Variants in UBE4A observed in about 807,000 individuals in gnomAD.
UBE4A encodes the protein ubiquitination factor E4A.
Under a neutral mutation model 117.9 loss-of-function variants are expected in UBE4A, and 48 were observed. That is an observed-to-expected ratio of 0.41 (90% CI 0.32 to 0.52). The LOEUF is 0.52. Ranked by LOEUF, UBE4A falls within the 20% of genes least tolerant of loss-of-function variation. The pLI is 0.33. For synonymous variants in UBE4A, 407 were observed against 450.0 expected, an observed-to-expected ratio of 0.90 and a Z score of 1.21; for missense variants, 1,067 against 1,296.3, an observed-to-expected ratio of 0.82 and a Z score of 2.72.
chr11:118,372,503 G>A lies in UBE4A; in HGVS notation c.562-4G>A, dbSNP rs1378825382. ...ATTCCCTCTTTTCTTCATGCTGTTTGCAGATTACCAAAGTTCCAGAGAACC... is the reference window on the plus strand; with the variant it reads ...ATTCCCTCTTTTCTTCATGCTGTTTACAGATTACCAAAGTTCCAGAGAACC... On this transcript the variant is annotated splice_region_variant and splice_polypyrimidine_tract_variant and intron_variant, in intron 5 of 19. Transcript: ENST00000252108. 2 of 1,600,354 alleles carry A rather than the reference G, an allele frequency of 1.2e-6. No homozygotes were observed. The highest frequency in any genetic ancestry group is 1.1e-5 in the South Asian group (1 of 89,108).
At chr11:118,362,501 C>A (rs1267642438) in intron 1 of UBE4A, among the ~76,000 whole-genome samples, 1 of 152,162 alleles carries the variant, frequency 6.6e-6, no homozygotes, top group Non-Finnish European at 1.5e-5. Flanking sequence ...TTACGTGTTG[C>A]AGGTGATGCA....
chr11:118,393,385 C>G (rs1948837686), intron 19 of UBE4A, among the ~76,000 whole-genome samples: 1 of 152,150 alleles, frequency 6.6e-6, no homozygotes, highest in Non-Finnish European at 1.5e-5. Context: ...CCACTGCACT[C>G]CAGCCTGGGC....
intron 13 of UBE4A, among the ~76,000 whole-genome samples, chr11:118,384,352 A>G (rs781990418): frequency 4.6e-5 from 7 of 152,204 alleles, no homozygotes; most frequent in Non-Finnish European, 7.3e-5. Context: ...TCATGTTTGG[A>G]TATGGAAACA....
At chr11:118,374,022 G>A (rs994257002) in intron 8 of UBE4A, among the ~76,000 whole-genome samples, 1 of 152,094 alleles carries the variant, frequency 6.6e-6, no homozygotes, top group Non-Finnish European at 1.5e-5. Context: ...GCTGAGGTGG[G>A]AGGATCACTT....
rs782584381 is a variant in UBE4A at position 118,375,126 on chromosome 11, T to C, written c.1347T>C (p.Phe449=). 1.2e-6 allele frequency: 2 copies of C among 1,614,210 alleles called. No homozygotes were observed. Among genetic ancestry groups the C allele is most frequent in the South Asian group, 2.2e-5 (2 of 91,088 alleles). The change falls in exon 9 of 20, where the codon TTT becomes TTC. Residue 449 remains phenylalanine (F), a synonymous_variant. Transcript: ENST00000252108. The part of the protein sequence containing the change: ...GAALLKLCQP[F]CKPRSSRLLT... Reference sequence around the variant, plus strand: ...CTCTCCTGAAGCTATGCCAGCCATTTTGCAAACCCAGATCCTCTCGGCTCC... The same window carrying C: ...CTCTCCTGAAGCTATGCCAGCCATTCTGCAAACCCAGATCCTCTCGGCTCC...
At chr11:118,378,263 TA>T (rs200980984) in intron 10 of UBE4A, among the ~76,000 whole-genome samples, 2 of 141,732 alleles carry the variant, frequency 1.4e-5, no homozygotes. Context: ...AAAAATTAAT[TA>T]AAAAAAAGAA....
At position 118,376,698 on chromosome 11, in the gene UBE4A, A is replaced by T; in HGVS notation, c.1571+4A>T. 1 of 1,612,904 alleles carries T rather than the reference A, an allele frequency of 6.2e-7. No homozygotes were observed. Among genetic ancestry groups the T allele is most frequent in the Non-Finnish European group, 8.5e-7 (1 of 1,179,568 alleles). On this transcript the variant is annotated splice_donor_region_variant and intron_variant, in intron 10 of 19. Coordinates refer to ENST00000252108, the MANE Select transcript of UBE4A (RefSeq NM_001204077.2). Reference sequence around the variant, plus strand: ...CCTTGTACTTGGGATTTCACAGGTAACTCCTCTGATGTCATTAGGAAAAAA... The same window carrying T: ...CCTTGTACTTGGGATTTCACAGGTATCTCCTCTGATGTCATTAGGAAAAAA...
In UBE4A at chr11:118,384,947, TAAAAAAAAAAAA is replaced by T; in HGVS notation, c.2412+12_2412+23del. On this transcript the variant is annotated splice_donor_5th_base_variant and intron_variant, in intron 15 of 19. Transcript: ENST00000252108. ...TTCCTTTTGGATGAAGCCATACAGGTAAAAAAAAAAAAAAAAAAAAAGATTTAACTTCTCCAT... is the reference window on the plus strand; with the variant it reads ...TTCCTTTTGGATGAAGCCATACAGGTAAAAAAAAAGATTTAACTTCTCCAT... 9.4e-7 allele frequency: 1 copy of T among 1,066,280 alleles called. No individual in the cohort carries two copies. Among genetic ancestry groups the T allele is most frequent in the African/African-American group, 2.3e-5 (1 of 43,982 alleles). The allele number at this position is 1,066,280 out of a possible 1,614,324, so 66.1% of individuals were successfully genotyped here.
At chr11:118,390,557 G>T in intron 17 of UBE4A, 100 bp from the exon 18 acceptor site, 1 of 857,942 alleles carries the variant, frequency 1.2e-6, no homozygotes, top group African/African-American at 1.8e-5. Context: ...AATGTTCATG[G>T]CTTTTAAGTG....
At position 118,390,699 on chromosome 11, in the gene UBE4A, T is replaced by C; in HGVS notation, c.2811T>C (p.Arg937=). 1 of 1,572,642 alleles carries C rather than the reference T, an allele frequency of 6.4e-7. No homozygotes were observed. The highest frequency in any genetic ancestry group is 8.6e-7 in the Non-Finnish European group (1 of 1,161,780). The part of the protein sequence containing the change: ...NFCATVPKDG[R]SYSPTLFAQT... ...GTGCCACTGTGCCCAAGGATGGACG[T>C]TCCTATTCCCCAACTCTCTTTGCAC... Residue 937 remains arginine (R), a synonymous_variant, in exon 18 of 20, where the codon CGT becomes CGC. Transcript: ENST00000252108.
At chr11:118,384,775 C>A (rs868950488) in intron 14 of UBE4A, 40 bp downstream of exon 14, 2 of 1,610,308 alleles carry the variant, frequency 1.2e-6, no homozygotes, top group Middle Eastern at 1.7e-4. Context: ...TTTATATAAG[C>A]CCTAATGAGT....
intron 2 of UBE4A, among the ~76,000 whole-genome samples, chr11:118,368,008 T>C (rs1254127480): frequency 6.6e-6 from 1 of 152,168 alleles, no homozygotes; most frequent in Admixed American, 6.5e-5. Flanking sequence ...GCAAAAGATG[T>C]GATACAATAC....
intron 4 of UBE4A, among the ~76,000 whole-genome samples, chr11:118,370,041 G>A (rs1432290720): frequency 3.3e-5 from 5 of 151,350 alleles, no homozygotes; most frequent in East Asian, 1.9e-4. Flanking sequence ...GCAATGAGCC[G>A]AGATCATACC....
intron 2 of UBE4A, among the ~76,000 whole-genome samples, chr11:118,367,478 C>T (rs1030117162): frequency 6.6e-6 from 1 of 150,970 alleles, no homozygotes; most frequent in Non-Finnish European, 1.5e-5. Context: ...GCATGTAAAT[C>T]AGACAGTCTC....
chr11:118,382,424 C>G (rs545030749), intron 12 of UBE4A, among the ~76,000 whole-genome samples, 165 bp from the exon 13 acceptor site: 20 of 118,416 alleles, frequency 1.7e-4, no homozygotes, highest in African/African-American at 5.4e-4. Context: ...CCCCACCCCC[C>G]GCCCAGCCGC....
chr11:118,371,764 T>A (rs1321693896), intron 5 of UBE4A, 98 bp downstream of exon 5: 1 of 1,269,712 alleles, frequency 7.9e-7, no homozygotes, highest in Non-Finnish European at 1.1e-6. Flanking sequence ...AATTTATATA[T>A]GTCATAGTAT....
chr11:118,387,960 T>A (rs1948774750), intron 16 of UBE4A, among the ~76,000 whole-genome samples: 1 of 152,112 alleles, frequency 6.6e-6, no homozygotes, highest in Admixed American at 6.6e-5. Flanking sequence ...AAAGAATGTT[T>A]CCAAAAATTA....
At chr11:118,393,010 T>A in intron 19 of UBE4A, 115 bp downstream of exon 19, 1 of 1,025,816 alleles carries the variant, frequency 9.7e-7, no homozygotes, top group Non-Finnish European at 1.4e-6. Flanking sequence ...ATATTATTGA[T>A]TTACTGATAT....
chr11:118,396,606 A>G lies in UBE4A; in HGVS notation c.*166A>G. The stretch of plus-strand genomic sequence containing the variant: ...TGCTCTTGCTGAAATTATGATAGTT[A>G]AGATTCCTAAGAACTTGACAATGCT... On this transcript the variant is annotated 3_prime_UTR_variant, in exon 20 of 20. Coordinates refer to ENST00000252108, the MANE Select transcript of UBE4A (RefSeq NM_001204077.2). 1 of 769,378 alleles carries G rather than the reference A, an allele frequency of 1.3e-6. No homozygotes were observed. The highest frequency in any genetic ancestry group is 1.8e-6 in the Non-Finnish European group (1 of 541,162). The allele number at this position is 769,378 out of a possible 1,614,324, so 47.7% of individuals were successfully genotyped here. A position where few individuals can be genotyped will look rare whatever the true frequency, so the allele number is the denominator to read the frequency against.
Sources: allele counts gnomAD v4.1 joint callset (sites outside exome capture counted in the v4.1 genomes callset), GRCh38; gene constraint gnomAD v4.1.1; transcripts MANE v1.5; gene names NCBI Gene and HGNC (gene_info 2026-07-23, HGNC 2026-07-21).